The following VWF variants were observed in gnomAD, a reference collection of about 807,000 sequenced individuals.
VWF encodes Factor VIII related antigen.
In VWF, 176 loss-of-function variants were observed where a neutral mutation model predicts 308.6. The observed-to-expected ratio is 0.57, with a 90% CI of 0.50 to 0.65. The LOEUF is 0.65. VWF is among the 30% of genes least tolerant of loss of function. The probability of loss-of-function intolerance (pLI) is 0.00; values close to 1 mark genes in which losing one functional copy is unlikely to be tolerated. For synonymous variants in VWF, 1,385 were observed against 1,443.4 expected, an observed-to-expected ratio of 0.96 and a Z score of 0.92; for missense variants, 3,146 against 3,648.2, an observed-to-expected ratio of 0.86 and a Z score of 3.55.
chr12:6,086,147 A>C (rs1385738661), intron 6 of VWF, among the ~76,000 whole-genome samples: 1 of 152,152 alleles, frequency 6.6e-6, no homozygotes, highest in Non-Finnish European at 1.5e-5. Flanking sequence ...GAAGACTGAG[A>C]GGCAGAGTAG....
rs1242670462 is a variant in VWF, at chr12:6,092,626, T to TGAGAGAGA, written c.657+2833_657+2834insTCTCTCTC. 3.2e-4 allele frequency among the ~76,000 whole-genome samples: 27 copies of TGAGAGAGA among 83,524 alleles called. 1 individual carries two copies. Among genetic ancestry groups the TGAGAGAGA allele is most frequent in the South Asian group, 1.1e-3 (3 of 2,644 alleles). 54.8% of individuals were successfully genotyped at this position (83,524 alleles called of 152,430 possible). On this transcript the variant is annotated intron_variant, in intron 6 of 51. Transcript: ENST00000261405. ...GTTAGTGAGTGAGTGAGAGTGTGTG[T>TGAGAGAGA]GTGTGTGTGTGTGTGTGTGTGTGTG...
At chr12:6,021,350 C>T (rs1243760088) in intron 27 of VWF, 1 of 161,234 alleles carries the variant, frequency 6.2e-6, no homozygotes, top group Non-Finnish European at 1.4e-5. Flanking sequence ...GACTCCTTCT[C>T]ACCTCCCCAA....
rs186328676 is a variant in VWF at position 6,036,929 on chromosome 12, T to C, written c.2443-438A>G. On this transcript the variant is annotated intron_variant, in intron 18 of 51. Coordinates refer to ENST00000261405, the MANE Select transcript of VWF (RefSeq NM_000552.5). Reference sequence around the variant, plus strand: ...ATGGACAAAGATTGATGGAGAATTATTTATCATTGCAAAAAAAAATTGGAA... The same window carrying C: ...ATGGACAAAGATTGATGGAGAATTACTTATCATTGCAAAAAAAAATTGGAA... 2.5e-3 allele frequency among the ~76,000 whole-genome samples: 383 copies of C among 152,308 alleles called. 1 individual carries two copies. Among genetic ancestry groups the C allele is most frequent in the Non-Finnish European group, 4.1e-3 (281 of 68,036 alleles).
At position 6,011,654 on chromosome 12, in the gene VWF, T is replaced by A. The variant is rs1419551697; in HGVS notation, c.5805A>T (p.Lys1935Asn). 1.2e-6 allele frequency: 2 copies of A among 1,613,184 alleles called. No homozygotes were observed. Among genetic ancestry groups the A allele is most frequent in the South Asian group, 2.2e-5 (2 of 90,892 alleles). Residue 1935 changes from lysine (K) to asparagine (N), a missense_variant, in exon 34 of 52, where the codon AAA becomes AAT. By Grantham distance (94) the Lys-to-Asn change is moderately conservative (BLOSUM62 0). Transcript: ENST00000261405. The stretch of plus-strand genomic sequence containing the variant: ...AGCGGCAGCCACAGGTCTCTTCCAC[T>A]TTAACAGGGGACTGGCTGTTAGGGC... ...PSCPNSQSPV[K>N]VEETCGCRWT...
At chr12:6,079,347 C>A (rs1022934685) in intron 6 of VWF, among the ~76,000 whole-genome samples, 12 of 152,224 alleles carry the variant, frequency 7.9e-5, no homozygotes, top group Admixed American at 1.3e-4. Flanking sequence ...TGGCTCACAC[C>A]TGTAATCCCA....
At position 5,985,433 on chromosome 12, in the gene VWF, GC is replaced by G. The variant is rs1943668519; in HGVS notation, c.6901+129del. The G allele has an allele frequency of 3.8e-6, 4 of 1,057,602 alleles. No individual in the cohort carries two copies. The South Asian group carries it at 5.5e-5, about 15-fold the overall frequency. The allele number at this position is 1,057,602 out of a possible 1,614,324, so 65.5% of individuals were successfully genotyped here. A position where few individuals can be genotyped will look rare whatever the true frequency, so the allele number is the denominator to read the frequency against. ...TGGGAAATGCAGGCTGGGCAAGGAAGCCCACCCACTCTAGGACTCTAGGTGC... is the reference window on the plus strand; with the variant it reads ...TGGGAAATGCAGGCTGGGCAAGGAAGCCACCCACTCTAGGACTCTAGGTGC... On this transcript the variant is annotated intron_variant, in intron 39 of 51. Coordinates refer to ENST00000261405, the MANE Select transcript of VWF (RefSeq NM_000552.5).
At chr12:5,964,289 T>C (rs1943371378) in intron 47 of VWF, among the ~76,000 whole-genome samples, 1 of 151,974 alleles carries the variant, frequency 6.6e-6, no homozygotes, top group African/African-American at 2.4e-5. Context: ...CATACATGCA[T>C]ACATACATAC....
chr12:5,989,309 A>G (rs1784666339), intron 38 of VWF, among the ~76,000 whole-genome samples: 1 of 152,212 alleles, frequency 6.6e-6, no homozygotes, highest in South Asian at 2.1e-4. Flanking sequence ...ATAGTTTTAT[A>G]CCCTAGTTTA....
At chr12:6,112,128 A>G (rs1353073885) in intron 3 of VWF, among the ~76,000 whole-genome samples, 1 of 152,148 alleles carries the variant, frequency 6.6e-6, no homozygotes, top group East Asian at 1.9e-4. Flanking sequence ...CGCCTTACAC[A>G]GCACATGGAA....
intron 6 of VWF, among the ~76,000 whole-genome samples, chr12:6,085,300 A>T (rs1175552547): frequency 1.3e-5 from 2 of 152,222 alleles, no homozygotes; most frequent in African/African-American, 4.8e-5. Context: ...GACAGGAGCT[A>T]ATTCCCCTAA....
At chr12:5,964,270 A>ACATACATACATACATG (rs1307022766) in intron 47 of VWF, among the ~76,000 whole-genome samples, 3 of 139,064 alleles carry the variant, frequency 2.2e-5, no homozygotes, top group Non-Finnish European at 3.0e-5. Flanking sequence ...ATACATACAT[A>ACATACATACATACATG]CATGCATACA....
intron 18 of VWF, 93 bp downstream of exon 18, chr12:6,044,198 T>C: frequency 6.6e-7 from 1 of 1,517,408 alleles, no homozygotes; most frequent in Non-Finnish European, 8.9e-7. Flanking sequence ...TTAGCCCTTG[T>C]TTCTTCCTCT....
At chr12:6,078,995 C>T (rs1222855205) in intron 6 of VWF, among the ~76,000 whole-genome samples, 2 of 152,192 alleles carry the variant, frequency 1.3e-5, no homozygotes, top group Non-Finnish European at 2.9e-5. Context: ...ACAGCCACCT[C>T]CCTTCTTAGA....
Position 6,078,395 on chromosome 12 carries a change from A to T in VWF, c.658-2844T>A, listed in dbSNP as rs542225701. ...TCACTGCCAAGTTGGGGCTCAGGGA[A>T]GGAGACTGAGGCCTGTGTCTTTCCC... On this transcript the variant is annotated intron_variant, in intron 6 of 51. Transcript: ENST00000261405. 4.9e-4 allele frequency among the ~76,000 whole-genome samples: 74 copies of T among 152,300 alleles called. No individual in the cohort carries two copies. The South Asian group carries it at 7.7e-3, about 16-fold the overall frequency.
rs1355961536 is a variant in VWF, at chr12:5,949,172, A to G, written c.8285T>C (p.Ile2762Thr). Residue 2762 changes from isoleucine (I) to threonine (T), a missense_variant, in exon 52 of 52, where the codon ATT becomes ACT. Around this residue, in one of 3 missense-constraint regions of VWF, gnomAD observed 989 missense variants for 1,117.4 expected, o/e 0.89. Coordinates refer to ENST00000261405, the MANE Select transcript of VWF (RefSeq NM_000552.5). Reference protein sequence around the residue: ...GKCASKAMYSIDINDVQDQCS... With the variant: ...GKCASKAMYSTDINDVQDQCS... The stretch of plus-strand genomic sequence containing the variant: ...CTGGTCCTGCACATCGTTGATGTCA[A>G]TGGAGTACATGGCTTTGCTGGCACA... 5.0e-6 allele frequency: 8 copies of G among 1,614,102 alleles called. No individual in the cohort carries two copies. The highest frequency in any genetic ancestry group is 2.2e-5 in the East Asian group (1 of 44,902).
chr12:6,010,081 G>T (rs3952283), intron 34 of VWF, among the ~76,000 whole-genome samples: 1 of 151,998 alleles, frequency 6.6e-6, no homozygotes, highest in South Asian at 2.1e-4. Context: ...CTAACAATAT[G>T]GTATTGTACA....
In VWF at chr12:6,016,131, C is replaced by T. The variant is rs765163531; in HGVS notation, c.5413G>A (p.Val1805Met). ...TCAGCTGCTGCATCCACTGAATCCA[C>T]AGAGACGTCCGTGACCAGGATGACC... ...AVVILVTDVS[V>M]DSVDAAADAA... The change falls in exon 31 of 52, where the codon GTG becomes ATG. Residue 1805 changes from valine to methionine, a missense_variant. Physicochemically the swap from Val to Met is conservative, Grantham distance 21. This residue lies in a region of VWF where 853 missense variants were observed against 1,177.8 expected (regional missense o/e 0.72). Transcript: ENST00000261405. 3.7e-6 allele frequency: 6 copies of T among 1,614,238 alleles called. No homozygotes were observed. The highest frequency in any genetic ancestry group is 5.1e-6 in the Non-Finnish European group (6 of 1,180,054).
At chr12:6,064,902 G>A (rs920939004) in intron 11 of VWF, among the ~76,000 whole-genome samples, 2 of 152,192 alleles carry the variant, frequency 1.3e-5, no homozygotes, top group African/African-American at 2.4e-5. Context: ...GTGGGGAGCT[G>A]AGCCAGCCCT....
chr12:6,030,220 CAT>C (rs1944244385), intron 21 of VWF, among the ~76,000 whole-genome samples: 1 of 152,226 alleles, frequency 6.6e-6, no homozygotes, highest in South Asian at 2.1e-4. Context: ...GAGCTAATCA[CAT>C]GTGCAAATCT....
Sources: allele counts gnomAD v4.1 joint callset (sites outside exome capture counted in the v4.1 genomes callset), GRCh38; gene constraint gnomAD v4.1.1; regional missense constraint gnomAD v4.1.1; transcripts MANE v1.5; gene names NCBI Gene and HGNC (gene_info 2026-07-23, HGNC 2026-07-21).